Variants in GSE1 observed in about 807,000 individuals in gnomAD.
GSE1 encodes genetic suppressor element 1.
A neutral mutation model predicts 112.6 loss-of-function variants in GSE1; 32 were observed. The ratio of observed to expected loss-of-function variants is 0.28; its 90% CI spans 0.21 to 0.38. The LOEUF (loss-of-function observed/expected upper bound fraction) is 0.38, where lower values mean the gene tolerates loss of function less well. Ranked by LOEUF, GSE1 falls within the 10% of genes least tolerant of loss-of-function variation. The pLI, the probability that GSE1 is intolerant of heterozygous loss-of-function variation, is 1.00. For missense variants in GSE1, 2,348 were observed against 1,699.2 expected (o/e 1.38, Z -6.71); for synonymous variants, 1,115 against 735.6 (o/e 1.52, Z -8.35).
chr16:85,474,657 C>G (rs548984293), intron 2 of GSE1, among the ~76,000 whole-genome samples: 2 of 143,594 alleles, frequency 1.4e-5, no homozygotes, highest in South Asian at 2.5e-4. Flanking sequence ...CTTGCCCCCC[C>G]TCTTCCCCCT....
chr16:85,358,893 G>C (rs953918073), intron 2 of GSE1, among the ~76,000 whole-genome samples: 22 of 152,230 alleles, frequency 1.4e-4, no homozygotes, highest in African/African-American at 5.3e-4. Flanking sequence ...CCATTGTCGG[G>C]GAGGAATGGC....
chr16:85,603,331 A>G (rs764939084), intron 1 of GSE1, among the ~76,000 whole-genome samples: 1 of 152,180 alleles, frequency 6.6e-6, no homozygotes. Flanking sequence ...GTGCTGGGTC[A>G]TGACTGGCTT....
chr16:85,292,619 G>T (rs2045255964), intron 1 of GSE1, among the ~76,000 whole-genome samples: 1 of 152,104 alleles, frequency 6.6e-6, no homozygotes. Flanking sequence ...GAGCCACTGT[G>T]CCTGGCCTAA....
At chr16:85,596,770 G>C (rs946848243) in intron 1 of GSE1, among the ~76,000 whole-genome samples, 71 of 152,150 alleles carry the variant, frequency 4.7e-4, no homozygotes, top group African/African-American at 1.6e-3. Context: ...GCACGGTAGC[G>C]CACAGCTGTA....
intron 2 of GSE1, among the ~76,000 whole-genome samples, chr16:85,528,166 A>AC (rs2052422077): frequency 6.6e-6 from 1 of 152,182 alleles, no homozygotes; most frequent in Non-Finnish European, 1.5e-5. Context: ...CAAGATTCTC[A>AC]CCCCCGTGAA....
At chr16:85,555,261 C>T (rs187718328), upstream of GSE1, 1,284 of 985,412 alleles carry the variant, frequency 1.3e-3, 14 homozygotes, top group African/African-American at 0.02. Context: ...CCGCCGTGCG[C>T]TCTCGCCTCC....
At chr16:85,343,331 T>C (rs1024236128) in intron 1 of GSE1, among the ~76,000 whole-genome samples, 1 of 152,112 alleles carries the variant, frequency 6.6e-6, no homozygotes, top group African/African-American at 2.4e-5. Flanking sequence ...AGATTAGCGG[T>C]TATCAATTCC....
intron 2 of GSE1, among the ~76,000 whole-genome samples, chr16:85,377,925 T>C (rs1459983893): frequency 6.6e-6 from 1 of 152,248 alleles, no homozygotes; most frequent in Non-Finnish European, 1.5e-5. Context: ...TGGCCGCTCC[T>C]TGGGCAGCCT....
intron 2 of GSE1, among the ~76,000 whole-genome samples, chr16:85,530,480 G>C (rs991244693): frequency 6.6e-6 from 1 of 152,172 alleles, no homozygotes; most frequent in Non-Finnish European, 1.5e-5. Context: ...GCAGGGAGGG[G>C]TGGTGGGGGT....
rs56969252 is a variant in GSE1 at position 85,389,681 on chromosome 16, C to T, written c.2464+32038C>T. Reference sequence around the variant, plus strand: ...AGAACCTCCTGCTCTCACGGCTGAGCCCCCAAGGTCTTCTCTTCCATATAC... The same window carrying T: ...AGAACCTCCTGCTCTCACGGCTGAGTCCCCAAGGTCTTCTCTTCCATATAC... On this transcript the variant is annotated intron_variant, in intron 2 of 2. Coordinates refer to the GSE1 transcript ENST00000637419. 7.0e-3 allele frequency among the ~76,000 whole-genome samples: 1,070 copies of T among 152,260 alleles called. 12 individuals carry two copies. The highest frequency in any genetic ancestry group is 0.025 in the African/African-American group (1,026 of 41,538).
chr16:85,357,795 T>C (rs760365453), intron 2 of GSE1, among the ~76,000 whole-genome samples: 2 of 152,138 alleles, frequency 1.3e-5, no homozygotes, highest in Non-Finnish European at 2.9e-5. Context: ...TCTCCCTTAC[T>C]GGAGTTTGGA....
At chr16:85,477,567 T>TTG (rs1435661734) in intron 2 of GSE1, among the ~76,000 whole-genome samples, 1 of 50,654 alleles carries the variant, frequency 2.0e-5, no homozygotes, top group Non-Finnish European at 6.0e-5. Context: ...TTTTTTTTTG[T>TTG]TTTTTTTTTT....
intron 2 of GSE1, among the ~76,000 whole-genome samples, chr16:85,394,468 C>T (rs761722794): frequency 1.1e-4 from 16 of 152,140 alleles, no homozygotes; most frequent in Admixed American, 2.0e-4. Flanking sequence ...CCCTTTAAAG[C>T]GAATGATTTG....
chr16:85,509,691 C>T (rs1018119711), intron 2 of GSE1, among the ~76,000 whole-genome samples: 18 of 152,234 alleles, frequency 1.2e-4, no homozygotes, highest in African/African-American at 4.1e-4. Context: ...ATGGCCATGC[C>T]GGGTGGGAGA....
chr16:85,576,519 A>C (rs1185421067), intron 1 of GSE1, among the ~76,000 whole-genome samples: 1 of 152,056 alleles, frequency 6.6e-6, no homozygotes, highest in African/African-American at 2.4e-5. Context: ...ATCACCTGAC[A>C]TCTGGGCCGC....
intron 1 of GSE1, among the ~76,000 whole-genome samples, chr16:85,223,688 C>G (rs1597837180): frequency 6.6e-6 from 1 of 151,632 alleles, no homozygotes; most frequent in South Asian, 2.1e-4. Context: ...CACTGCAGCC[C>G]CTGCCTCCCG....
At chr16:85,171,549 G>T (rs1209744533) in exon 1 of GSE1, 7 of 985,424 alleles carry the variant, frequency 7.1e-6, no homozygotes, top group Non-Finnish European at 8.4e-6. Flanking sequence ...CCTGGTCCCG[G>T]CAGTACCAGG....
At chr16:85,326,997 C>T (rs139941448) in intron 1 of GSE1, among the ~76,000 whole-genome samples, 15 of 152,366 alleles carry the variant, frequency 9.8e-5, no homozygotes, top group Admixed American at 3.3e-4. Context: ...TCCTGCCCCA[C>T]AGGGCACCAG....
intron 2 of GSE1, among the ~76,000 whole-genome samples, chr16:85,509,940 T>G (rs928515870): frequency 3.3e-5 from 5 of 152,200 alleles, no homozygotes; most frequent in African/African-American, 1.2e-4. Flanking sequence ...ATTTCCAAGA[T>G]GGATTGATTC....
Sources: allele counts gnomAD v4.1 joint callset (sites outside exome capture counted in the v4.1 genomes callset), GRCh38; gene constraint gnomAD v4.1.1; transcripts MANE v1.5; gene names NCBI Gene and HGNC (gene_info 2026-07-23, HGNC 2026-07-21).